Variants in SNTB2 observed in about 807,000 individuals in gnomAD.
SNTB2 encodes the protein beta-2-syntrophin.
Under a neutral mutation model 46.2 loss-of-function variants are expected in SNTB2, and 34 were observed. The observed-to-expected ratio is 0.74, with a 90% CI of 0.56 to 0.98. The LOEUF is 0.98. Among genes scored for constraint, SNTB2 ranks in the 50% least tolerant of loss-of-function variants. The pLI, the probability that SNTB2 is intolerant of heterozygous loss-of-function variation, is 0.00. For synonymous variants in SNTB2, 290 were observed against 312.6 expected (o/e 0.93, Z 0.76); for missense variants, 603 against 731.4 (o/e 0.82, Z 2.02).
Position 69,228,874 on chromosome 16 carries a change from A to C in SNTB2, c.581-16728A>C, listed in dbSNP as rs569925306. Among the ~76,000 whole-genome samples the C allele has an allele frequency of 4.6e-5, 7 of 152,298 alleles. No homozygotes were observed. The South Asian group carries it at 1.4e-3, about 32-fold the overall frequency. On this transcript the variant is annotated intron_variant, in intron 1 of 6. Coordinates refer to ENST00000336278, the MANE Select transcript of SNTB2 (RefSeq NM_006750.4). ...AATGAGAAAACTGAGGCTCAGAGGT[A>C]ATCTTCAAACCTCCCAACAAATAAA...
chr16:69,187,177 C>T lies in SNTB2; in HGVS notation c.11C>T (p.Ala4Val). ...GGCTGCCTGACTGGAATGAGGGTAG[C>T]TGCGGCGACTGCGGCGGCTGGAGCG... MRV[A>V]AATAAAGAGP... Residue 4 changes from alanine to valine, a missense_variant, in exon 1 of 7, where the codon GCT (alanine) becomes GTT (valine). Physicochemically the swap from Ala to Val is moderately conservative, Grantham distance 64. Coordinates refer to ENST00000336278, the MANE Select transcript of SNTB2 (RefSeq NM_006750.4). 1 of 1,371,270 alleles carries T rather than the reference C, an allele frequency of 7.3e-7. No individual in the cohort carries two copies. The highest frequency in any genetic ancestry group is 9.4e-7 in the Non-Finnish European group (1 of 1,059,890). The allele number at this position is 1,371,270 out of a possible 1,614,324, so 84.9% of individuals were successfully genotyped here. A position where few individuals can be genotyped will look rare whatever the true frequency, so the allele number is the denominator to read the frequency against.
chr16:69,295,436 G>T (rs1965214568), intron 5 of SNTB2, among the ~76,000 whole-genome samples: 1 of 151,332 alleles, frequency 6.6e-6, no homozygotes, highest in Non-Finnish European at 1.5e-5. Flanking sequence ...TTTTAGTAGA[G>T]ACAGGGTTTC....
chr16:69,280,020 G>GTT (rs1050702239), intron 4 of SNTB2, among the ~76,000 whole-genome samples: 3 of 152,288 alleles, frequency 2.0e-5, no homozygotes. Context: ...CTTCCGCAGT[G>GTT]TTTGTGTCCC....
intron 5 of SNTB2, among the ~76,000 whole-genome samples, chr16:69,292,378 A>T (rs868206374): frequency 1.2e-4 from 3 of 25,804 alleles, no homozygotes; most frequent in African/African-American, 1.7e-4. Context: ...ATATATATAT[A>T]TTATATATAT....
intron 2 of SNTB2, among the ~76,000 whole-genome samples, chr16:69,246,866 G>C (rs933616337): frequency 1.2e-4 from 16 of 138,484 alleles, no homozygotes; most frequent in South Asian, 4.6e-4. Flanking sequence ...CATGGACACA[G>C]GAAGGGGAAT....
chr16:69,268,825 G>A (rs983363434), intron 3 of SNTB2, among the ~76,000 whole-genome samples: 12 of 148,072 alleles, frequency 8.1e-5, no homozygotes, highest in Admixed American at 4.0e-4. Context: ...AAATCGCGCC[G>A]CTGCCCTCCA....
intron 1 of SNTB2, among the ~76,000 whole-genome samples, chr16:69,238,058 C>T (rs944227227): frequency 2.6e-5 from 4 of 152,154 alleles, no homozygotes; most frequent in Non-Finnish European, 2.9e-5. Flanking sequence ...TAGGTCCGCT[C>T]CTTCTCTACA....
chr16:69,187,750 A>AGGGGGG lies in SNTB2; in HGVS notation c.580+5_580+6insGGGGGG. 1 of 269,168 alleles carries AGGGGGG rather than the reference A, an allele frequency of 3.7e-6. No individual in the cohort carries two copies. The highest frequency in any genetic ancestry group is 6.3e-6 in the Non-Finnish European group (1 of 159,878). 16.7% of individuals were successfully genotyped at this position (269,168 alleles called of 1,614,324 possible). Reference sequence around the variant, plus strand: ...GGCAAGGAGGTGCTGCTGGAGGGTGAGCGGGGCCGGGCGGGAGGGTGGGCA... The same window carrying AGGGGGG: ...GGCAAGGAGGTGCTGCTGGAGGGTGAGGGGGGGCGGGGCCGGGCGGGAGGGTGGGCA... On this transcript the variant is annotated splice_donor_region_variant and intron_variant, in intron 1 of 6. Coordinates refer to ENST00000336278, the MANE Select transcript of SNTB2 (RefSeq NM_006750.4).
At chr16:69,209,746 C>T (rs1441084625) in intron 1 of SNTB2, among the ~76,000 whole-genome samples, 2 of 152,106 alleles carry the variant, frequency 1.3e-5, no homozygotes, top group Non-Finnish European at 1.5e-5. Flanking sequence ...AGGAGATTTG[C>T]TCCTTAATTC....
At chr16:69,272,999 C>T (rs894884177) in intron 4 of SNTB2, among the ~76,000 whole-genome samples, 1 of 152,014 alleles carries the variant, frequency 6.6e-6, no homozygotes, top group African/African-American at 2.4e-5. Context: ...CATCCTTAGC[C>T]ATCAGGGAAA....
chr16:69,200,662 C>A (rs971302051), intron 1 of SNTB2, among the ~76,000 whole-genome samples: 8 of 151,916 alleles, frequency 5.3e-5, no homozygotes. Flanking sequence ...TGTTTTGTTT[C>A]GTTTATTTAT....
chr16:69,253,254 C>G (rs575933117), intron 2 of SNTB2, among the ~76,000 whole-genome samples: 10 of 152,024 alleles, frequency 6.6e-5, no homozygotes, highest in Non-Finnish European at 1.5e-4. Flanking sequence ...ATCCTAGACT[C>G]ATCGGTCCTA....
intron 5 of SNTB2, among the ~76,000 whole-genome samples, chr16:69,287,399 A>G (rs554594040): frequency 3.3e-5 from 5 of 151,902 alleles, no homozygotes; most frequent in East Asian, 1.9e-4. Flanking sequence ...GTGAAACCCC[A>G]TATCTACTAA....
chr16:69,265,866 A>G (rs1229587009), intron 3 of SNTB2, among the ~76,000 whole-genome samples: 1 of 151,878 alleles, frequency 6.6e-6, no homozygotes, highest in Non-Finnish European at 1.5e-5. Context: ...AATTTGGAGA[A>G]AGCTGTAGTT....
At chr16:69,205,657 C>T (rs1010136526) in intron 1 of SNTB2, among the ~76,000 whole-genome samples, 8 of 152,072 alleles carry the variant, frequency 5.3e-5, no homozygotes, top group African/African-American at 1.9e-4. Context: ...GCTTTTTCTT[C>T]TATTTTCTTT....
intron 1 of SNTB2, chr16:69,231,263 A>G (rs1456317971): frequency 6.6e-6 from 1 of 152,230 alleles, no homozygotes; most frequent in East Asian, 1.9e-4. Context: ...TTTTTAGGGG[A>G]GAGAAGTATA....
chr16:69,283,639 T>C (rs760321104), intron 4 of SNTB2, among the ~76,000 whole-genome samples: 5 of 152,248 alleles, frequency 3.3e-5, no homozygotes, highest in Non-Finnish European at 7.3e-5. Flanking sequence ...AAGTTATTAC[T>C]GTTAATTTAC....
At chr16:69,243,952 A>G (rs1007862012) in intron 1 of SNTB2, among the ~76,000 whole-genome samples, 28 of 152,276 alleles carry the variant, frequency 1.8e-4, no homozygotes, top group Middle Eastern at 3.4e-3. Context: ...AATAACTTTA[A>G]CTCTTCTACT....
intron 2 of SNTB2, among the ~76,000 whole-genome samples, chr16:69,248,815 A>G (rs1303142253): frequency 6.6e-6 from 1 of 151,314 alleles, no homozygotes; most frequent in East Asian, 1.9e-4. Flanking sequence ...AGAGAGAGAC[A>G]GAGAGAAAAA....
Sources: gnomAD v4.1 joint callset for allele counts (sites outside exome capture counted in the v4.1 genomes callset) on GRCh38, gnomAD v4.1.1 for gene constraint, MANE v1.5 for transcripts, NCBI Gene and HGNC (gene_info 2026-07-23, HGNC 2026-07-21) for gene names.